The following NLGN1 variants were observed in gnomAD, a reference collection of about 807,000 sequenced individuals.
NLGN1 encodes the protein neuroligin-1.
NLGN1 carries 12 observed loss-of-function variants against 65.5 expected under a neutral mutation model. That is an observed-to-expected ratio of 0.18 (90% CI 0.12 to 0.30). The LOEUF (loss-of-function observed/expected upper bound fraction) is 0.30. Ranked by LOEUF, NLGN1 falls within the 10% of genes least tolerant of loss-of-function variation. The pLI is 1.00. For missense variants in NLGN1, 750 were observed against 1,007.1 expected (o/e 0.74, Z 3.46); for synonymous variants, 350 against 359.5 (o/e 0.97, Z 0.30).
rs562245016 is a variant in NLGN1 at position 173,448,613 on chromosome 3, A to G, written c.-321+13535A>G. On this transcript the variant is annotated intron_variant, in intron 2 of 6. Transcript: ENST00000457714. The stretch of plus-strand genomic sequence containing the variant: ...GGGAGGATTCCCTCTTTTTCTATTG[A>G]CTGGAATAGTTTCAGAAGGAATGGT... Among the ~76,000 whole-genome samples, 5 of 152,220 alleles carry G rather than the reference A, an allele frequency of 3.3e-5. No homozygotes were observed. In the East Asian group the frequency reaches 9.7e-4, roughly 29 times the overall value.
intron 2 of NLGN1, among the ~76,000 whole-genome samples, chr3:173,490,988 T>C (rs150982467): frequency 4.5e-4 from 69 of 152,016 alleles, no homozygotes; most frequent in African/African-American, 1.7e-3. Context: ...CTTAAGGAGA[T>C]TTTGGGCTGT....
At chr3:173,883,569 C>T (rs1733736228) in intron 4 of NLGN1, among the ~76,000 whole-genome samples, 2 of 152,126 alleles carry the variant, frequency 1.3e-5, no homozygotes, top group East Asian at 3.9e-4. Context: ...CACAAATCTT[C>T]AGTTTATATA....
intron 4 of NLGN1, among the ~76,000 whole-genome samples, chr3:174,173,536 G>A (rs1728920006): frequency 6.6e-6 from 1 of 151,908 alleles, no homozygotes; most frequent in African/African-American, 2.4e-5. Flanking sequence ...GAAGGGATAT[G>A]AATTTTATGA....
Position 174,172,645 on chromosome 3 carries a change from C to A in NLGN1, c.647-102670C>A, listed in dbSNP as rs73035638. On this transcript the variant is annotated intron_variant, in intron 4 of 6. Coordinates refer to ENST00000457714, the Ensembl canonical transcript of NLGN1. ...TCATTGTAGATGTATGAATTTATTT[C>A]TGGGTTCTCTGTTATTTTCTACTGG... Among the ~76,000 whole-genome samples, 952 of 152,164 alleles carry A rather than the reference C, an allele frequency of 6.3e-3. 18 individuals are homozygous for A. The highest frequency in any genetic ancestry group is 0.021 in the African/African-American group (870 of 41,534).
At chr3:174,222,650 T>C (rs1236671354) in intron 4 of NLGN1, among the ~76,000 whole-genome samples, 1 of 152,310 alleles carries the variant, frequency 6.6e-6, no homozygotes, top group South Asian at 2.1e-4. Flanking sequence ...GCTCAGTCAA[T>C]ATATCTGGCA....
rs150882483 is a variant in NLGN1 at position 173,589,830 on chromosome 3, A to C, written c.-320-14449A>C. ...CCAATGAATGGTAGATCTACAGGAG[A>C]AGAAAAGAGGTTACTTGTAATGTTT... On this transcript the variant is annotated intron_variant, in intron 2 of 6. Transcript: ENST00000457714. 4.5e-3 allele frequency among the ~76,000 whole-genome samples: 681 copies of C among 152,176 alleles called. 3 individuals are homozygous for C. Among genetic ancestry groups the C allele is most frequent in the African/African-American group, 0.013 (543 of 41,516 alleles).
At chr3:173,453,244 C>A (rs1214229570) in intron 2 of NLGN1, among the ~76,000 whole-genome samples, 4 of 151,904 alleles carry the variant, frequency 2.6e-5, no homozygotes, top group Non-Finnish European at 5.9e-5. Flanking sequence ...TATACCAATA[C>A]ACCTGGCTAA....
chr3:173,832,479 A>G (rs1405035559), intron 4 of NLGN1, among the ~76,000 whole-genome samples: 5 of 152,226 alleles, frequency 3.3e-5, no homozygotes, highest in East Asian at 3.8e-4. Context: ...TGCCCTTGCA[A>G]AGAGAAATCT....
chr3:173,581,888 G>T (rs1281885897), intron 2 of NLGN1, among the ~76,000 whole-genome samples: 1 of 151,790 alleles, frequency 6.6e-6, no homozygotes, highest in Non-Finnish European at 1.5e-5. Context: ...CAAGATTCAG[G>T]CTGAGAAATA....
intron 4 of NLGN1, among the ~76,000 whole-genome samples, chr3:174,267,734 A>G (rs1436151784): frequency 1.3e-5 from 2 of 152,192 alleles, no homozygotes; most frequent in East Asian, 1.9e-4. Context: ...GCTGCCATCT[A>G]AGAAAGACAC....
chr3:173,402,211 T>C (rs1350574968), intron 1 of NLGN1, among the ~76,000 whole-genome samples: 1 of 152,208 alleles, frequency 6.6e-6, no homozygotes, highest in Non-Finnish European at 1.5e-5. Context: ...AACTTTAAGA[T>C]GGGTTGCTTA....
At chr3:173,447,682 C>G in intron 2 of NLGN1, among the ~76,000 whole-genome samples, 1 of 152,182 alleles carries the variant, frequency 6.6e-6, no homozygotes, top group African/African-American at 2.4e-5. Context: ...TTGATTCTTC[C>G]TACCCATGAG....
Position 173,592,504 on chromosome 3 carries a change from G to A in NLGN1, c.-320-11775G>A, listed in dbSNP as rs1053578197. On this transcript the variant is annotated intron_variant, in intron 2 of 6. Transcript: ENST00000457714. ...AGTCTACATGGATATCTATGCACAC[G>A]CCTACATGATGAGAAATTTCCATTG... Among the ~76,000 whole-genome samples the A allele has an allele frequency of 6.6e-5, 10 of 152,024 alleles. No individual in the cohort carries two copies. The South Asian group carries it at 8.3e-4, about 13-fold the overall frequency.
At chr3:173,586,695 C>T (rs977266331) in intron 2 of NLGN1, among the ~76,000 whole-genome samples, 2 of 152,068 alleles carry the variant, frequency 1.3e-5, no homozygotes, top group South Asian at 2.1e-4. Flanking sequence ...AGTTTTAAGG[C>T]GATATCTGAG....
intron 4 of NLGN1, among the ~76,000 whole-genome samples, chr3:174,047,127 G>A (rs1192289002): frequency 6.6e-6 from 1 of 151,826 alleles, no homozygotes; most frequent in East Asian, 1.9e-4. Context: ...CAATATTGCT[G>A]ATATATTAAA....
At chr3:173,578,219 G>A (rs1385676915) in intron 2 of NLGN1, among the ~76,000 whole-genome samples, 2 of 146,740 alleles carry the variant, frequency 1.4e-5, no homozygotes, top group Non-Finnish European at 3.0e-5. Context: ...CTGGGCGACA[G>A]GGCCAGACTC....
intron 4 of NLGN1, among the ~76,000 whole-genome samples, chr3:173,818,282 C>T (rs573399552): frequency 2.7e-4 from 41 of 152,010 alleles, no homozygotes; most frequent in Non-Finnish European, 5.4e-4. Context: ...ATAAACAAAA[C>T]ATTAATACAA....
chr3:173,521,239 T>G (rs1734709572), intron 2 of NLGN1, among the ~76,000 whole-genome samples: 1 of 152,168 alleles, frequency 6.6e-6, no homozygotes, highest in Admixed American at 6.5e-5. Context: ...CATTGGTATT[T>G]CATAAGTGAA....
chr3:173,623,973 C>CT (rs1052749892), intron 3 of NLGN1, among the ~76,000 whole-genome samples: 15 of 151,894 alleles, frequency 9.9e-5, no homozygotes, highest in Non-Finnish European at 8.8e-5. Context: ...AGCCTTTTTT[C>CT]TTTTTTCAAA....
Sources: allele counts gnomAD v4.1 joint callset (sites outside exome capture counted in the v4.1 genomes callset), GRCh38; gene constraint gnomAD v4.1.1; transcripts MANE v1.5; gene names NCBI Gene and HGNC (gene_info 2026-07-23, HGNC 2026-07-21).